Variants in SUCLG2 observed in about 807,000 individuals in gnomAD.
SUCLG2 encodes succinate-CoA ligase GDP-forming subunit beta.
SUCLG2 carries 42 observed loss-of-function variants against 47.9 expected under a neutral mutation model. The ratio of observed to expected loss-of-function variants is 0.88; its 90% CI spans 0.69 to 1.14. The LOEUF is 1.14. Ranked by LOEUF, SUCLG2 falls within the 50% of genes most tolerant of loss-of-function variation. SUCLG2 has a pLI of 0.00. For synonymous variants in SUCLG2, 195 were observed against 197.3 expected, an observed-to-expected ratio of 0.99 and a Z score of 0.10; for missense variants, 571 against 525.9, an observed-to-expected ratio of 1.09 and a Z score of -0.84.
chr3:67,653,237 A>G (rs1423069478), intron 1 of SUCLG2, among the ~76,000 whole-genome samples: 1 of 152,212 alleles, frequency 6.6e-6, no homozygotes. Flanking sequence ...TCTAACACTT[A>G]AATAATGAAT....
chr3:67,390,319 T>C (rs1486881044), intron 10 of SUCLG2, among the ~76,000 whole-genome samples: 1 of 152,188 alleles, frequency 6.6e-6, no homozygotes, highest in African/African-American at 2.4e-5. Context: ...CCACAATGTA[T>C]TAAAAATATC....
At chr3:67,373,313 A>C (rs1701977523), downstream of SUCLG2, among the ~76,000 whole-genome samples, 1 of 152,108 alleles carries the variant, frequency 6.6e-6, no homozygotes, top group Non-Finnish European at 1.5e-5. Context: ...CATGAAAATA[A>C]AATGTAGAAG....
intron 10 of SUCLG2, among the ~76,000 whole-genome samples, chr3:67,362,091 G>T (rs542371231): frequency 6.6e-6 from 1 of 152,284 alleles, no homozygotes; most frequent in South Asian, 2.1e-4. Context: ...CAAAATAAAT[G>T]CTTATTGTTA....
At chr3:67,609,047 G>C (rs188688024) in intron 2 of SUCLG2, among the ~76,000 whole-genome samples, 1 of 152,302 alleles carries the variant, frequency 6.6e-6, no homozygotes, top group Admixed American at 6.5e-5. Flanking sequence ...AGGACACAGA[G>C]GTGCCTGTGA....
chr3:67,427,102 TG>T (rs1703321999), intron 9 of SUCLG2, among the ~76,000 whole-genome samples: 1 of 152,252 alleles, frequency 6.6e-6, no homozygotes. Context: ...ACGGTTTTTT[TG>T]CTGAATGAAA....
At chr3:67,406,614 G>A (rs1189283981) in intron 9 of SUCLG2, among the ~76,000 whole-genome samples, 1 of 152,048 alleles carries the variant, frequency 6.6e-6, no homozygotes, top group Non-Finnish European at 1.5e-5. Context: ...AAAGAGTGTG[G>A]TGCATTTGAG....
At chr3:67,619,678 C>A (rs180854940) in intron 1 of SUCLG2, among the ~76,000 whole-genome samples, 1 of 152,086 alleles carries the variant, frequency 6.6e-6, no homozygotes, top group Non-Finnish European at 1.5e-5. Context: ...CTAGGTTCAG[C>A]AGAAAAGCAG....
At chr3:67,415,848 T>C (rs757420822) in intron 9 of SUCLG2, among the ~76,000 whole-genome samples, 3 of 152,238 alleles carry the variant, frequency 2.0e-5, no homozygotes, top group Admixed American at 1.3e-4. Flanking sequence ...TTCATTCTAA[T>C]GAGCAGAATA....
In SUCLG2 at chr3:67,569,177, T is replaced by C. The variant is rs557518664; in HGVS notation, c.227-39991A>G. 7.9e-5 allele frequency among the ~76,000 whole-genome samples: 12 copies of C among 152,308 alleles called. No homozygotes were observed. The East Asian group carries it at 1.2e-3, about 15-fold the overall frequency. On this transcript the variant is annotated intron_variant, in intron 2 of 10. Transcript: ENST00000307227. ...ACTCAGTAATTTCCTGCAAGATACATGGCCAACAAAAATCTCAAAATATCC... is the reference window on the plus strand; with the variant it reads ...ACTCAGTAATTTCCTGCAAGATACACGGCCAACAAAAATCTCAAAATATCC...
chr3:67,454,957 G>A (rs1487424388), intron 9 of SUCLG2, among the ~76,000 whole-genome samples: 22 of 79,706 alleles, frequency 2.8e-4, no homozygotes, highest in African/African-American at 9.4e-4. Context: ...GTGAGACTCC[G>A]TCTCAAAAAA....
rs770414549 is a variant in SUCLG2, at chr3:67,520,482, C to T, written c.570G>A (p.Lys190=). 1 of 1,613,964 alleles carries T rather than the reference C, an allele frequency of 6.2e-7. No individual in the cohort carries two copies. Among genetic ancestry groups the T allele is most frequent in the Non-Finnish European group, 8.5e-7 (1 of 1,179,884 alleles). ...VAASNPELIF[K]EQIDIFEGIK... ...CAGGTAGCCCGGAATTTAAACATAC[C>T]TTAAAAATGAGCTCCGGGTTTGAAG... The change falls in exon 5 of 11, where the codon AAG becomes AAA. Residue 190 remains lysine (K), a splice_region_variant and synonymous_variant. Transcript: ENST00000307227.
intron 2 of SUCLG2, among the ~76,000 whole-genome samples, chr3:67,544,365 T>G (rs766200942): frequency 6.6e-6 from 1 of 152,114 alleles, no homozygotes; most frequent in Non-Finnish European, 1.5e-5. Flanking sequence ...GGGGATGATT[T>G]CCTCCATGCT....
At chr3:67,568,542 A>G (rs1469468367) in intron 2 of SUCLG2, among the ~76,000 whole-genome samples, 1 of 152,200 alleles carries the variant, frequency 6.6e-6, no homozygotes, top group East Asian at 1.9e-4. Context: ...CACAAACTTC[A>G]AATCATTAAA....
At chr3:67,570,921 T>C (rs1266473006) in intron 2 of SUCLG2, among the ~76,000 whole-genome samples, 1 of 152,162 alleles carries the variant, frequency 6.6e-6, no homozygotes, top group African/African-American at 2.4e-5. Flanking sequence ...AAACTGAGGG[T>C]GTTTTGGGGA....
intron 2 of SUCLG2, among the ~76,000 whole-genome samples, chr3:67,578,478 A>C (rs183887468): frequency 2.4e-4 from 37 of 152,204 alleles, no homozygotes; most frequent in African/African-American, 8.9e-4. Flanking sequence ...AGAAAGCAAA[A>C]GCATGTGAAA....
chr3:67,377,788 A>G (rs1702065725), intron 10 of SUCLG2, among the ~76,000 whole-genome samples: 1 of 152,088 alleles, frequency 6.6e-6, no homozygotes, highest in Non-Finnish European at 1.5e-5. Flanking sequence ...CAAGTAGCTG[A>G]GACTAAAGGC....
intron 1 of SUCLG2, among the ~76,000 whole-genome samples, chr3:67,647,724 C>G (rs1349838459): frequency 6.6e-6 from 1 of 152,224 alleles, no homozygotes; most frequent in African/African-American, 2.4e-5. Context: ...GAGCTCCTCC[C>G]CACTGCCACC....
intron 9 of SUCLG2, among the ~76,000 whole-genome samples, chr3:67,425,941 G>C (rs891339157): frequency 6.6e-6 from 1 of 152,136 alleles, no homozygotes; most frequent in Non-Finnish European, 1.5e-5. Context: ...AGCTCAAAAG[G>C]ATTTTAATGT....
At chr3:67,429,952 A>G (rs532818729) in intron 9 of SUCLG2, among the ~76,000 whole-genome samples, 2 of 152,332 alleles carry the variant, frequency 1.3e-5, no homozygotes, top group East Asian at 3.9e-4. Flanking sequence ...TCATAAAGCA[A>G]GTCCTTAGAG....
Sources: allele counts gnomAD v4.1 joint callset (sites outside exome capture counted in the v4.1 genomes callset), GRCh38; gene constraint gnomAD v4.1.1; transcripts MANE v1.5; gene names NCBI Gene and HGNC (gene_info 2026-07-23, HGNC 2026-07-21).